The following PHACTR3 variants were observed in gnomAD, a reference collection of about 807,000 sequenced individuals.
The protein encoded by PHACTR3 is protein phosphatase 1, regulatory subunit 123.
A neutral mutation model predicts 66.8 loss-of-function variants in PHACTR3; 16 were observed. The ratio of observed to expected loss-of-function variants is 0.24; its 90% CI spans 0.16 to 0.36. The LOEUF is 0.36. Among genes scored for constraint, PHACTR3 ranks in the 10% least tolerant of loss-of-function variants. The probability of loss-of-function intolerance (pLI) is 1.00; values close to 1 mark genes in which losing one functional copy is unlikely to be tolerated. For synonymous variants in PHACTR3, 323 were observed against 292.1 expected (o/e 1.11, Z -1.08); for missense variants, 647 against 719.9 (o/e 0.90, Z 1.16).
At chr20:59,711,566 T>C (rs1017090964) in intron 1 of PHACTR3, among the ~76,000 whole-genome samples, 2 of 152,206 alleles carry the variant, frequency 1.3e-5, no homozygotes, top group South Asian at 4.1e-4. Flanking sequence ...CAAAAATGCA[T>C]TTAATATACC....
chr20:59,729,731 A>G lies in PHACTR3; in HGVS notation c.119-13376A>G, dbSNP rs184987351. ...CTTGCTGGTTTGTTGGAATGGTTCC[A>G]TCTTGCTGTGTCACTTCCATGACAA... is the stretch of plus-strand genomic sequence containing the variant. On this transcript the variant is annotated intron_variant, in intron 1 of 12. Coordinates refer to ENST00000371015, the MANE Select transcript of PHACTR3 (RefSeq NM_080672.5). Among the ~76,000 whole-genome samples, 473 of 152,298 alleles carry G rather than the reference A, an allele frequency of 3.1e-3. 4 individuals are homozygous for G. The highest frequency in any genetic ancestry group is 4.5e-3 in the Non-Finnish European group (303 of 68,014).
chr20:59,741,377 C>T (rs1601237141), intron 1 of PHACTR3, among the ~76,000 whole-genome samples: 1 of 152,194 alleles, frequency 6.6e-6, no homozygotes. Context: ...GAGCACCCCA[C>T]GGGTCTGCGA....
intron 7 of PHACTR3, among the ~76,000 whole-genome samples, chr20:59,778,801 T>A (rs1385856039): frequency 6.6e-6 from 1 of 152,180 alleles, no homozygotes. Flanking sequence ...GGACTGTTTC[T>A]CCCATGGCGT....
intron 7 of PHACTR3, among the ~76,000 whole-genome samples, chr20:59,788,934 C>G (rs2041007904): frequency 6.6e-6 from 1 of 152,170 alleles, no homozygotes; most frequent in Non-Finnish European, 1.5e-5. Flanking sequence ...CCCTCAAGAC[C>G]CCCAGAGTCT....
intron 4 of PHACTR3, among the ~76,000 whole-genome samples, chr20:59,761,426 A>T (rs1190125337): frequency 6.6e-6 from 1 of 152,250 alleles, no homozygotes; most frequent in Non-Finnish European, 1.5e-5. Context: ...TGCTGGGTGT[A>T]CGGGGGTGGA....
At chr20:59,631,933 C>T (rs960138235) in intron 1 of PHACTR3, among the ~76,000 whole-genome samples, 2 of 152,156 alleles carry the variant, frequency 1.3e-5, no homozygotes, top group South Asian at 2.1e-4. Context: ...CATCTGGCCC[C>T]GGCCTGTGGT....
At chr20:59,696,924 TG>T (rs1415760417) in intron 1 of PHACTR3, among the ~76,000 whole-genome samples, 2 of 152,150 alleles carry the variant, frequency 1.3e-5, no homozygotes. Flanking sequence ...GTGCCTTGCC[TG>T]GGGGATGGAG....
intron 1 of PHACTR3, among the ~76,000 whole-genome samples, chr20:59,608,366 C>T (rs903728494): frequency 5.9e-5 from 9 of 152,322 alleles, no homozygotes; most frequent in East Asian, 3.9e-4. Flanking sequence ...TCTATAAATC[C>T]GCACTCTACA....
chr20:59,611,825 T>C (rs2033859860), intron 1 of PHACTR3, among the ~76,000 whole-genome samples: 1 of 152,330 alleles, frequency 6.6e-6, no homozygotes, highest in East Asian at 1.9e-4. Flanking sequence ...TTCCCTCTGG[T>C]CTGGTAATTT....
intron 5 of PHACTR3, among the ~76,000 whole-genome samples, chr20:59,769,245 A>C (rs981402843): frequency 6.6e-6 from 1 of 152,106 alleles, no homozygotes; most frequent in African/African-American, 2.4e-5. Context: ...GAATGGTGTC[A>C]CCCCAAAATT....
chr20:59,732,902 T>G (rs2038818674), intron 1 of PHACTR3, among the ~76,000 whole-genome samples: 1 of 152,060 alleles, frequency 6.6e-6, no homozygotes, highest in Non-Finnish European at 1.5e-5. Flanking sequence ...GGTCTCTGTT[T>G]CCCCTATACT....
intron 1 of PHACTR3, among the ~76,000 whole-genome samples, chr20:59,587,917 G>C (rs995476267): frequency 1.3e-5 from 2 of 152,172 alleles, no homozygotes; most frequent in Non-Finnish European, 2.9e-5. Flanking sequence ...GTCCACTCCT[G>C]CCTTCCCCTC....
intron 5 of PHACTR3, 34 bp from the exon 6 acceptor site, chr20:59,773,245 A>T: frequency 6.3e-7 from 1 of 1,593,014 alleles, no homozygotes; most frequent in Non-Finnish European, 8.6e-7. Flanking sequence ...GCTCCTGAAG[A>T]CCTATGTTCT....
chr20:59,628,164 CTG>C (rs1457066035), intron 1 of PHACTR3: 1 of 152,246 alleles, frequency 6.6e-6, no homozygotes, highest in African/African-American at 2.4e-5. Flanking sequence ...CCTCCAGGGA[CTG>C]TGTTTCTCTC....
chr20:59,618,105 A>G (rs949968289), intron 1 of PHACTR3, among the ~76,000 whole-genome samples: 2 of 152,220 alleles, frequency 1.3e-5, no homozygotes, highest in African/African-American at 4.8e-5. Context: ...CGAATTAACT[A>G]GCCCAGCAGG....
At chr20:59,677,167 T>G (rs1470056361) in intron 1 of PHACTR3, among the ~76,000 whole-genome samples, 1 of 152,208 alleles carries the variant, frequency 6.6e-6, no homozygotes, top group African/African-American at 2.4e-5. Context: ...AATAATAGAT[T>G]GTCATTGATG....
rs568348755 is a variant in PHACTR3 at position 59,605,710 on chromosome 20, T to C, written c.118+578T>C. On this transcript the variant is annotated intron_variant, in intron 1 of 12. Coordinates refer to ENST00000371015, the MANE Select transcript of PHACTR3 (RefSeq NM_080672.5). ...GGCGTGCGCCAGGACAGAGCCCGGT[T>C]TCGTGACAGCGTGTGGACTCCGTCC... Among the ~76,000 whole-genome samples, 1,077 of 152,320 alleles carry C rather than the reference T, an allele frequency of 7.1e-3. 5 individuals are homozygous for C. The highest frequency in any genetic ancestry group is 0.012 in the South Asian group (58 of 4,826).
chr20:59,719,338 T>C (rs1375240796), intron 1 of PHACTR3, among the ~76,000 whole-genome samples: 2 of 152,156 alleles, frequency 1.3e-5, no homozygotes, highest in African/African-American at 2.4e-5. Flanking sequence ...CTAATTTTTG[T>C]ATTTTTAGTA....
intron 9 of PHACTR3, among the ~76,000 whole-genome samples, chr20:59,837,382 A>G (rs1289556871): frequency 6.6e-6 from 1 of 152,188 alleles, no homozygotes; most frequent in Non-Finnish European, 1.5e-5. Flanking sequence ...AATGGTACCA[A>G]GCTGACTTTC....
Sources: allele counts gnomAD v4.1 joint callset (sites outside exome capture counted in the v4.1 genomes callset), GRCh38; gene constraint gnomAD v4.1.1; transcripts MANE v1.5; gene names NCBI Gene and HGNC (gene_info 2026-07-23, HGNC 2026-07-21).